GRXCR1: variants seen among roughly 807,000 people sequenced by gnomAD.
The protein encoded by GRXCR1 is glutaredoxin domain-containing cysteine-rich protein 1.
GRXCR1 carries 27 observed loss-of-function variants against 27.3 expected under a neutral mutation model. That is an observed-to-expected ratio of 0.99 (90% CI 0.73 to 1.37). The LOEUF is 1.37. GRXCR1 is among the 40% of genes most tolerant of loss of function. The pLI is 0.00. For synonymous variants in GRXCR1, 122 were observed against 131.1 expected (o/e 0.93, Z 0.47); for missense variants, 379 against 354.4 (o/e 1.07, Z -0.56).
intron 1 of GRXCR1, among the ~76,000 whole-genome samples, chr4:42,946,716 A>G (rs2109766167): frequency 6.6e-6 from 1 of 152,282 alleles, no homozygotes; most frequent in East Asian, 1.9e-4. Context: ...TAAAGGCACT[A>G]ATCCCATTCA....
chr4:43,015,007 G>GCAA (rs1712888202), intron 2 of GRXCR1, among the ~76,000 whole-genome samples: 1 of 152,166 alleles, frequency 6.6e-6, no homozygotes, highest in Non-Finnish European at 1.5e-5. Flanking sequence ...TATTGAGCAG[G>GCAA]TGACATTTAA....
intron 1 of GRXCR1, among the ~76,000 whole-genome samples, chr4:42,905,681 G>A (rs1746572515): frequency 6.6e-6 from 1 of 152,184 alleles, no homozygotes; most frequent in Non-Finnish European, 1.5e-5. Context: ...AACTGAAAGG[G>A]AGTGTGGCAA....
intron 1 of GRXCR1, among the ~76,000 whole-genome samples, chr4:42,956,452 AT>A (rs541047034): frequency 0.012 from 1,660 of 142,856 alleles, 13 homozygotes; most frequent in African/African-American, 0.027. Flanking sequence ...GAAGAGGAGG[AT>A]TTTTTTTTTT....
intron 2 of GRXCR1, among the ~76,000 whole-genome samples, chr4:43,018,924 T>G (rs1259269908): frequency 6.6e-6 from 1 of 152,212 alleles, no homozygotes; most frequent in Non-Finnish European, 1.5e-5. Context: ...AGATATAACT[T>G]GCCTCAGAGA....
chr4:43,000,437 C>T (rs929963664), intron 2 of GRXCR1, among the ~76,000 whole-genome samples: 1 of 145,254 alleles, frequency 6.9e-6, no homozygotes, highest in Non-Finnish European at 1.5e-5. Flanking sequence ...GAATGCGCCA[C>T]TGCACTCCAG....
chr4:42,996,251 A>C (rs1561147), intron 2 of GRXCR1, among the ~76,000 whole-genome samples: 53,566 of 152,044 alleles, frequency 0.35, 9,612 homozygotes, highest in East Asian at 0.4. Context: ...TATCTTGAAC[A>C]TAAATAAAGT....
rs1359166509 is a variant in GRXCR1, at chr4:43,012,260, T to G, written c.628-8094T>G. ...CACTTTATGTATTCTACAGTTTAGC[T>G]GTGGAATTTTATGACTGGAACATCC... On this transcript the variant is annotated intron_variant, in intron 2 of 3. Transcript: ENST00000399770. Among the ~76,000 whole-genome samples, 4 of 152,210 alleles carry G rather than the reference T, an allele frequency of 2.6e-5. No homozygotes were observed. In the East Asian group the frequency reaches 5.8e-4, roughly 22 times the overall value.
intron 2 of GRXCR1, among the ~76,000 whole-genome samples, chr4:43,007,695 T>C (rs1467912973): frequency 6.6e-6 from 1 of 152,168 alleles, no homozygotes; most frequent in Non-Finnish European, 1.5e-5. Flanking sequence ...TGATGAAAAA[T>C]GAGAAGTCAA....
chr4:42,989,458 A>C (rs1711892787), intron 2 of GRXCR1, among the ~76,000 whole-genome samples: 1 of 152,162 alleles, frequency 6.6e-6, no homozygotes, highest in African/African-American at 2.4e-5. Context: ...TAAACATATG[A>C]ACTTTAATTT....
intron 1 of GRXCR1, among the ~76,000 whole-genome samples, chr4:42,943,114 T>C (rs1747661669): frequency 6.6e-6 from 1 of 152,102 alleles, no homozygotes; most frequent in African/African-American, 2.4e-5. Context: ...ACATCATAGC[T>C]ATGTGAACTA....
At chr4:42,965,886 G>T (rs1748226889) in intron 2 of GRXCR1, among the ~76,000 whole-genome samples, 1 of 151,900 alleles carries the variant, frequency 6.6e-6, no homozygotes, top group South Asian at 2.1e-4. Context: ...CCCAATCCAG[G>T]GTGGGGGGTG....
intron 1 of GRXCR1, among the ~76,000 whole-genome samples, chr4:42,927,464 G>A (rs963979485): frequency 2.6e-5 from 4 of 151,928 alleles, no homozygotes; most frequent in African/African-American, 9.7e-5. Context: ...CTATAAATTT[G>A]CTATAAATTT....
intron 3 of GRXCR1, among the ~76,000 whole-genome samples, chr4:43,028,724 C>G (rs1306381826): frequency 6.6e-6 from 1 of 151,952 alleles, no homozygotes; most frequent in Non-Finnish European, 1.5e-5. Flanking sequence ...TTTCTTTTTT[C>G]TATTTTAATA....
chr4:42,987,222 T>TTATATATATATATA (rs1553943891), intron 2 of GRXCR1, among the ~76,000 whole-genome samples: 3 of 100,594 alleles, frequency 3.0e-5, no homozygotes, highest in Non-Finnish European at 3.9e-5. Flanking sequence ...TATATATATA[T>TTATATATATATATA]TATATATTAT....
intron 1 of GRXCR1, among the ~76,000 whole-genome samples, chr4:42,903,337 A>G (rs1275070020): frequency 9.1e-4 from 46 of 50,794 alleles, no homozygotes; most frequent in African/African-American, 3.6e-3. Flanking sequence ...TTTTTTTTTT[A>G]GACGGAGTCT....
intron 2 of GRXCR1, among the ~76,000 whole-genome samples, chr4:43,017,466 T>G (rs1712964132): frequency 6.6e-6 from 1 of 152,240 alleles, no homozygotes; most frequent in Non-Finnish European, 1.5e-5. Flanking sequence ...TTTAGTTTTT[T>G]TATTTAAAAA....
At chr4:42,939,722 C>G (rs1220223640) in intron 1 of GRXCR1, among the ~76,000 whole-genome samples, 4 of 151,992 alleles carry the variant, frequency 2.6e-5, no homozygotes, top group Admixed American at 1.3e-4. Flanking sequence ...GTACTGGAGT[C>G]CAGATAGTAT....
chr4:43,017,135 G>T (rs765650215), intron 2 of GRXCR1, among the ~76,000 whole-genome samples: 4 of 152,182 alleles, frequency 2.6e-5, no homozygotes, highest in Non-Finnish European at 4.4e-5. Flanking sequence ...TATAAAGAAA[G>T]AACTTGGACA....
intron 2 of GRXCR1, among the ~76,000 whole-genome samples, chr4:42,978,754 A>G (rs990045617): frequency 6.6e-6 from 1 of 152,022 alleles, no homozygotes; most frequent in African/African-American, 2.4e-5. Flanking sequence ...AACAGAGACA[A>G]TGACATGGTT....
Sources: allele counts gnomAD v4.1 joint callset (sites outside exome capture counted in the v4.1 genomes callset), GRCh38; gene constraint gnomAD v4.1.1; transcripts MANE v1.5; gene names NCBI Gene and HGNC (gene_info 2026-07-23, HGNC 2026-07-21).